SRPK2: variants seen among roughly 807,000 people sequenced by gnomAD.
SRPK2 encodes SRSF protein kinase 2.
In SRPK2, 21 loss-of-function variants were observed where a neutral mutation model predicts 90.8. The ratio of observed to expected loss-of-function variants is 0.23; its 90% CI spans 0.16 to 0.33. The LOEUF is 0.33. Ranked by LOEUF, SRPK2 falls within the 10% of genes least tolerant of loss-of-function variation. The pLI is 1.00. For missense variants in SRPK2, 620 were observed against 869.0 expected, an observed-to-expected ratio of 0.71 and a Z score of 3.60; for synonymous variants, 288 against 311.1, an observed-to-expected ratio of 0.93 and a Z score of 0.78.
intron 2 of SRPK2, among the ~76,000 whole-genome samples, chr7:105,237,953 CATTATT>C (rs1800336075): frequency 6.6e-6 from 1 of 152,168 alleles, no homozygotes; most frequent in Non-Finnish European, 1.5e-5. Flanking sequence ...AAAAAAGCCA[CATTATT>C]ATTAAGTTTG....
At chr7:105,173,533 C>G (rs1345012105) in intron 3 of SRPK2, among the ~76,000 whole-genome samples, 1 of 152,138 alleles carries the variant, frequency 6.6e-6, no homozygotes, top group African/African-American at 2.4e-5. Flanking sequence ...TAACCTAATA[C>G]CCAGGGAATC....
At chr7:105,343,024 T>C (rs1175116757) in intron 2 of SRPK2, among the ~76,000 whole-genome samples, 1 of 152,174 alleles carries the variant, frequency 6.6e-6, no homozygotes, top group East Asian at 1.9e-4. Flanking sequence ...TAGGATGTGT[T>C]CACAAGTTAA....
chr7:105,356,219 C>G lies in SRPK2; in HGVS notation c.71+32429G>C, dbSNP rs1416519429. Reference sequence around the variant, plus strand: ...TATAGGAGAAAGCAAGAGCCTCTCCCAAATCCTCATGCAAAGGCCCTAAGA... The same window carrying G: ...TATAGGAGAAAGCAAGAGCCTCTCCGAAATCCTCATGCAAAGGCCCTAAGA... On this transcript the variant is annotated intron_variant, in intron 2 of 15. Coordinates refer to ENST00000393651, the MANE Select transcript of SRPK2 (RefSeq NM_182692.3). 2.0e-5 allele frequency among the ~76,000 whole-genome samples: 3 copies of G among 152,112 alleles called. No homozygotes were observed. In the East Asian group the frequency reaches 5.8e-4, roughly 29 times the overall value.
At chr7:105,297,124 A>C (rs1349242417) in intron 2 of SRPK2, among the ~76,000 whole-genome samples, 2 of 152,196 alleles carry the variant, frequency 1.3e-5, no homozygotes, top group African/African-American at 4.8e-5. Flanking sequence ...ACAGTAACTC[A>C]CAGGTATGAT....
intron 2 of SRPK2, among the ~76,000 whole-genome samples, chr7:105,370,472 T>C (rs1048050660): frequency 1.2e-4 from 18 of 152,188 alleles, no homozygotes; most frequent in African/African-American, 4.1e-4. Flanking sequence ...TTCTTATTCC[T>C]ATCCTTTTAG....
intron 3 of SRPK2, among the ~76,000 whole-genome samples, chr7:105,187,326 A>G (rs1247298652): frequency 6.6e-6 from 1 of 152,178 alleles, no homozygotes; most frequent in Non-Finnish European, 1.5e-5. Context: ...TTCTGCCTAG[A>G]AATATGCCCA....
In SRPK2 at chr7:105,234,858, G is replaced by T. The variant is rs184684148; in HGVS notation, c.72-31073C>A. ...GGGCATCACAGACATGGAGAAGATG[G>T]TAACAGAATTTCAAAGAACACATGA... On this transcript the variant is annotated intron_variant, in intron 2 of 15. Transcript: ENST00000393651. Among the ~76,000 whole-genome samples the T allele has an allele frequency of 1.8e-4, 27 of 152,310 alleles. 1 individual carries two copies. The East Asian group carries it at 2.9e-3, about 16-fold the overall frequency.
At chr7:105,211,750 A>G (rs1417739794) in intron 2 of SRPK2, among the ~76,000 whole-genome samples, 1 of 152,182 alleles carries the variant, frequency 6.6e-6, no homozygotes, top group Non-Finnish European at 1.5e-5. Flanking sequence ...TCCAAACTAT[A>G]TCACTCCCCA....
At chr7:105,310,276 C>G (rs535135077) in intron 2 of SRPK2, among the ~76,000 whole-genome samples, 2 of 152,146 alleles carry the variant, frequency 1.3e-5, no homozygotes, top group Non-Finnish European at 2.9e-5. Flanking sequence ...GCAGATAAAA[C>G]CATAATAATG....
At chr7:105,259,225 C>T (rs1226025528) in intron 2 of SRPK2, among the ~76,000 whole-genome samples, 2 of 152,172 alleles carry the variant, frequency 1.3e-5, no homozygotes, top group Non-Finnish European at 2.9e-5. Flanking sequence ...AAATCACAAG[C>T]ATTCCTATAC....
At position 105,311,934 on chromosome 7, in the gene SRPK2, C is replaced by T. The variant is rs143863276; in HGVS notation, c.71+76714G>A. ...AATGTTGGTATAGTTCTATTCATAA[C>T]TAAAAGGAAGAAACAATCCAAATGC... On this transcript the variant is annotated intron_variant, in intron 2 of 15. Transcript: ENST00000393651. Among the ~76,000 whole-genome samples, 853 of 152,106 alleles carry T rather than the reference C, an allele frequency of 5.6e-3. 6 individuals are homozygous for T. Among genetic ancestry groups the T allele is most frequent in the Non-Finnish European group, 9.6e-3 (653 of 68,012 alleles).
At chr7:105,164,559 C>CA in intron 6 of SRPK2, among the ~76,000 whole-genome samples, 1 of 152,166 alleles carries the variant, frequency 6.6e-6, no homozygotes, top group Non-Finnish European at 1.5e-5. Flanking sequence ...CTTTGGGGAG[C>CA]AACTAAATGG....
intron 2 of SRPK2, among the ~76,000 whole-genome samples, chr7:105,256,918 A>ACC: frequency 6.6e-6 from 1 of 152,224 alleles, no homozygotes; most frequent in African/African-American, 2.4e-5. Flanking sequence ...CTTTTAAAGT[A>ACC]AGTTTCCCAG....
chr7:105,313,238 G>C (rs1005099473), intron 2 of SRPK2, among the ~76,000 whole-genome samples: 4 of 151,750 alleles, frequency 2.6e-5, no homozygotes, highest in Admixed American at 2.0e-4. Context: ...CTGAGCTCAG[G>C]AATTTGAGGC....
At chr7:105,249,611 C>T (rs1257165143) in intron 2 of SRPK2, among the ~76,000 whole-genome samples, 3 of 152,070 alleles carry the variant, frequency 2.0e-5, no homozygotes, top group Non-Finnish European at 4.4e-5. Flanking sequence ...TGAGTTGTAT[C>T]AATTCACCAT....
In SRPK2 at chr7:105,226,174, ATAAT is replaced by A. The variant is rs532250382; in HGVS notation, c.72-22393_72-22390del. ...ATTTTTTCAATAAAAGAAACATAAA[ATAAT>A]ATTTGTCTATGAAACATTTAGTGAT... On this transcript the variant is annotated intron_variant, in intron 2 of 15. Transcript: ENST00000393651. Among the ~76,000 whole-genome samples the A allele has an allele frequency of 3.0e-3, 456 of 152,318 alleles. 1 individual carries two copies. The highest frequency in any genetic ancestry group is 4.7e-3 in the Non-Finnish European group (321 of 68,030).
At chr7:105,158,414 C>T (rs750080722) in intron 7 of SRPK2, among the ~76,000 whole-genome samples, 3 of 152,154 alleles carry the variant, frequency 2.0e-5, no homozygotes, top group Non-Finnish European at 4.4e-5. Flanking sequence ...GCCACCACGC[C>T]TGGCTAATTT....
chr7:105,159,708 G>A (rs1056135099), intron 7 of SRPK2, among the ~76,000 whole-genome samples: 1 of 152,222 alleles, frequency 6.6e-6, no homozygotes, highest in East Asian at 1.9e-4. Context: ...ATGTTTACTA[G>A]AGCATCATCT....
intron 2 of SRPK2, among the ~76,000 whole-genome samples, chr7:105,209,745 G>C (rs1412872799): frequency 6.6e-6 from 1 of 151,078 alleles, no homozygotes; most frequent in East Asian, 2.2e-4. Context: ...AAGAGAAAAA[G>C]AGGGGAGGAG....
Sources: gnomAD v4.1 joint callset for allele counts (sites outside exome capture counted in the v4.1 genomes callset) on GRCh38, gnomAD v4.1.1 for gene constraint, MANE v1.5 for transcripts, NCBI Gene and HGNC (gene_info 2026-07-23, HGNC 2026-07-21) for gene names.